The following ST8SIA5 variants were observed in gnomAD, a reference collection of about 807,000 sequenced individuals.
The protein encoded by ST8SIA5 is alpha-2,8-sialyltransferase 8E.
Under a neutral mutation model 40.2 loss-of-function variants are expected in ST8SIA5, and 24 were observed. The ratio of observed to expected loss-of-function variants is 0.60; its 90% CI spans 0.43 to 0.84. The LOEUF (loss-of-function observed/expected upper bound fraction) is 0.84, where lower values mean the gene tolerates loss of function less well. ST8SIA5 is among the 40% of genes least tolerant of loss of function. The pLI is 0.00. For missense variants in ST8SIA5, 465 were observed against 498.5 expected (o/e 0.93, Z 0.64); for synonymous variants, 198 against 201.8 (o/e 0.98, Z 0.16).
At chr18:46,709,549 GTCATGGAAAT>G (rs555398563) in intron 1 of ST8SIA5, among the ~76,000 whole-genome samples, 2 of 152,342 alleles carry the variant, frequency 1.3e-5, no homozygotes, top group African/African-American at 4.8e-5. Context: ...TTTGGAGGGT[GTCATGGAAAT>G]TCATGGAAAT....
chr18:46,714,010 T>G (rs770121299), intron 1 of ST8SIA5, among the ~76,000 whole-genome samples: 1 of 152,108 alleles, frequency 6.6e-6, no homozygotes, highest in African/African-American at 2.4e-5. Context: ...AAGAGAGACT[T>G]CAGTGTTCTG....
intron 1 of ST8SIA5, among the ~76,000 whole-genome samples, chr18:46,749,117 T>A (rs1368816715): frequency 6.6e-6 from 1 of 152,176 alleles, no homozygotes; most frequent in Non-Finnish European, 1.5e-5. Flanking sequence ...TAGGACAACA[T>A]AGCATATGAT....
chr18:46,721,046 A>C (rs2039857036), intron 1 of ST8SIA5, among the ~76,000 whole-genome samples: 3 of 152,048 alleles, frequency 2.0e-5, no homozygotes, highest in Non-Finnish European at 2.9e-5. Flanking sequence ...CTGATATCCG[A>C]AATCCCTGCA....
At chr18:46,704,725 G>T in intron 1 of ST8SIA5, 61 bp from the exon 2 acceptor site, 2 of 1,384,460 alleles carry the variant, frequency 1.4e-6, no homozygotes, top group Non-Finnish European at 2.1e-6. Flanking sequence ...GGGCCTGCAG[G>T]GGCTCTTGTT....
intron 1 of ST8SIA5, among the ~76,000 whole-genome samples, chr18:46,736,124 C>A (rs1228439946): frequency 6.6e-6 from 1 of 152,104 alleles, no homozygotes; most frequent in Non-Finnish European, 1.5e-5. Flanking sequence ...AACACACAAA[C>A]AATATAAAAA....
At chr18:46,748,240 A>G (rs773095567) in intron 1 of ST8SIA5, among the ~76,000 whole-genome samples, 1 of 138,804 alleles carries the variant, frequency 7.2e-6, no homozygotes, top group Non-Finnish European at 1.6e-5. Context: ...AAATAAATTA[A>G]TTAATTTAAA....
At position 46,677,120 on chromosome 18, in the gene ST8SIA5, A is replaced by G. The variant is rs960631670; in HGVS notation, c.*2922T>C. 1.3e-5 allele frequency: 2 copies of G among 152,188 alleles called. No individual in the cohort carries two copies. The highest frequency in any genetic ancestry group is 2.9e-5 in the Non-Finnish European group (2 of 68,060). The allele number at this position is 152,188 out of a possible 1,614,324, so 9.4% of individuals were successfully genotyped here. ...GGCAGGGTTAGGGAGAGGCACCTATAAGCACAGGCTGCTTCCCGGACGATG... is the reference window on the plus strand; with the variant it reads ...GGCAGGGTTAGGGAGAGGCACCTATGAGCACAGGCTGCTTCCCGGACGATG... On this transcript the variant is annotated 3_prime_UTR_variant, in exon 7 of 7. Transcript: ENST00000315087.
At chr18:46,751,478 C>A (rs905116094) in intron 1 of ST8SIA5, among the ~76,000 whole-genome samples, 3 of 152,032 alleles carry the variant, frequency 2.0e-5, no homozygotes, top group Non-Finnish European at 4.4e-5. Context: ...CTCACTGCAA[C>A]CTCCACCTCC....
intron 2 of ST8SIA5, among the ~76,000 whole-genome samples, chr18:46,696,549 A>G (rs2039558506): frequency 6.6e-6 from 1 of 152,166 alleles, no homozygotes; most frequent in Admixed American, 6.5e-5. Flanking sequence ...CCAATCTTGC[A>G]ATGTAACCTT....
At chr18:46,742,428 C>CAA (rs371961982) in intron 1 of ST8SIA5, among the ~76,000 whole-genome samples, 105,729 of 149,046 alleles carry the variant, frequency 0.71, 37,836 homozygotes, top group Non-Finnish European at 0.77. Context: ...CAATCAACAA[C>CAA]AAAAAAAAAA....
intron 1 of ST8SIA5, among the ~76,000 whole-genome samples, chr18:46,734,514 C>T (rs2040016026): frequency 6.6e-6 from 1 of 152,144 alleles, no homozygotes; most frequent in African/African-American, 2.4e-5. Flanking sequence ...AAATCTTGTC[C>T]AGTGGTTCCC....
rs186288066 is a variant in ST8SIA5, at chr18:46,703,168, C to T, written c.224+1404G>A. On this transcript the variant is annotated intron_variant, in intron 2 of 6. Transcript: ENST00000315087. ...TTTTATTTTATTTTATTTTTTGAGA[C>T]GGAGTCTCGCTCTGTCACCCAGGCT... 8.1e-4 allele frequency among the ~76,000 whole-genome samples: 124 copies of T among 152,254 alleles called. 1 individual carries two copies. In the East Asian group the frequency reaches 0.016, roughly 19 times the overall value.
At chr18:46,746,519 A>G (rs903420569) in intron 1 of ST8SIA5, among the ~76,000 whole-genome samples, 4 of 152,238 alleles carry the variant, frequency 2.6e-5, no homozygotes, top group African/African-American at 9.6e-5. Context: ...AGGGATGTGA[A>G]GGACCTCTTC....
intron 1 of ST8SIA5, among the ~76,000 whole-genome samples, chr18:46,716,248 G>C (rs985727396): frequency 3.3e-5 from 5 of 152,148 alleles, no homozygotes; most frequent in Admixed American, 3.3e-4. Context: ...AATGTTTGAG[G>C]GTAAGGACTG....
At chr18:46,743,548 A>G (rs569072180) in intron 1 of ST8SIA5, among the ~76,000 whole-genome samples, 2 of 152,366 alleles carry the variant, frequency 1.3e-5, no homozygotes, top group African/African-American at 4.8e-5. Flanking sequence ...AAAGCCTCCA[A>G]GAAATATGGG....
intron 1 of ST8SIA5, among the ~76,000 whole-genome samples, chr18:46,725,886 C>A (rs559844411): frequency 4.8e-5 from 7 of 145,546 alleles, no homozygotes; most frequent in African/African-American, 1.8e-4. Context: ...TTTGGTAGGC[C>A]ATGGTGGGAG....
At chr18:46,688,708 G>A in intron 4 of ST8SIA5, 67 bp downstream of exon 4, 1 of 1,549,750 alleles carries the variant, frequency 6.5e-7, no homozygotes, top group South Asian at 1.2e-5. Context: ...CAGGGACATT[G>A]CCACGGAGGG....
chr18:46,691,893 C>T, intron 3 of ST8SIA5: 1 of 460,396 alleles, frequency 2.2e-6, no homozygotes, highest in South Asian at 2.2e-5. Context: ...CTTCAGTGAA[C>T]CTCAGCTGTG....
At chr18:46,743,820 G>A (rs113163042) in intron 1 of ST8SIA5, among the ~76,000 whole-genome samples, 1 of 152,170 alleles carries the variant, frequency 6.6e-6, no homozygotes, top group Non-Finnish European at 1.5e-5. Context: ...AGAGAGAAAG[G>A]TCGGGTTACC....
Sources: gnomAD v4.1 joint callset for allele counts (sites outside exome capture counted in the v4.1 genomes callset) on GRCh38, gnomAD v4.1.1 for gene constraint, MANE v1.5 for transcripts, NCBI Gene and HGNC (gene_info 2026-07-23, HGNC 2026-07-21) for gene names.